The following FRMD1 variants were observed in gnomAD, a reference collection of about 807,000 sequenced individuals.
The protein encoded by FRMD1 is FERM domain containing 1.
Under a neutral mutation model 54.9 loss-of-function variants are expected in FRMD1, and 51 were observed. The observed-to-expected ratio is 0.93, with a 90% CI of 0.74 to 1.17. FRMD1 has a LOEUF of 1.17. FRMD1 is among the 50% of genes most tolerant of loss of function. The pLI is 0.00. For synonymous variants in FRMD1, 324 were observed against 306.4 expected, an observed-to-expected ratio of 1.06 and a Z score of -0.60; for missense variants, 729 against 743.0, an observed-to-expected ratio of 0.98 and a Z score of 0.22.
chr6:168,092,036 C>T (rs1449275610), intron 1 of FRMD1, among the ~76,000 whole-genome samples: 1 of 152,252 alleles, frequency 6.6e-6, no homozygotes, highest in Non-Finnish European at 1.5e-5. Context: ...CACAGCGCTG[C>T]ACTTCCTGGC....
At position 168,075,486 on chromosome 6, in the gene FRMD1, A is replaced by G. The variant is rs1173395758; in HGVS notation, c.214-151T>C. On this transcript the variant is annotated intron_variant, in intron 1 of 10. Coordinates refer to ENST00000283309, the MANE Select transcript of FRMD1 (RefSeq NM_024919.6). ...AGGTCTGGGTCTCTCACTCTCTCCCAAAGCTAAACACCGCTGCATGCCCAT... is the reference window on the plus strand; with the variant it reads ...AGGTCTGGGTCTCTCACTCTCTCCCGAAGCTAAACACCGCTGCATGCCCAT... 3 of 700,528 alleles carry G rather than the reference A, an allele frequency of 4.3e-6. No homozygotes were observed. The African/African-American group carries it at 5.3e-5, about 12-fold the overall frequency. 43.4% of individuals were successfully genotyped at this position (700,528 alleles called of 1,614,324 possible).
chr6:168,085,205 C>A (rs1192592253), upstream of FRMD1, among the ~76,000 whole-genome samples: 4 of 152,352 alleles, frequency 2.6e-5, no homozygotes, highest in East Asian at 7.7e-4. Flanking sequence ...TCCTAGAGAA[C>A]TAGAAAGGCC....
Position 168,065,018 on chromosome 6 carries a change from C to T in FRMD1, c.501G>A (p.Lys167=). ...CGCACTGTGACCTCAGCACGCGCTC[C>T]TTCAAGTGGCAGTAGTACAGGTGCC... ...RARHLYYCHL[K]ERVLRSQCAH... The change falls in exon 5 of 11, where the codon AAG becomes AAA. Residue 167 remains lysine, a synonymous_variant. Coordinates refer to ENST00000283309, the MANE Select transcript of FRMD1 (RefSeq NM_024919.6). 1.2e-6 allele frequency: 2 copies of T among 1,611,184 alleles called. No homozygotes were observed. Among genetic ancestry groups the T allele is most frequent in the Non-Finnish European group, 1.7e-6 (2 of 1,179,316 alleles).
Position 168,079,183 on chromosome 6 carries a change from C to T in FRMD1, c.-89G>A, listed in dbSNP as rs962782623. ...ACAGCTGTGCTTTCCGGGACCCGCC[C>T]TTGCCGAGCTTCTCACTGGGAAGGG... is the stretch of plus-strand genomic sequence containing the variant. On this transcript the variant is annotated 5_prime_UTR_variant, in exon 1 of 11. Transcript: ENST00000283309. 2.1e-6 allele frequency: 3 copies of T among 1,430,264 alleles called. No homozygotes were observed. The African/African-American group carries it at 4.3e-5, about 21-fold the overall frequency. 88.6% of individuals were successfully genotyped at this position (1,430,264 alleles called of 1,614,324 possible).
intron 8 of FRMD1, 61 bp from the exon 9 acceptor site, chr6:168,061,118 G>A: frequency 6.6e-7 from 1 of 1,518,526 alleles, no homozygotes; most frequent in Non-Finnish European, 8.9e-7. Flanking sequence ...TGCTGATGCA[G>A]GAGGAAGAGC....
chr6:168,057,226 G>A lies in FRMD1; in HGVS notation c.1521C>T (p.Phe507=), dbSNP rs1372635703. The A allele has an allele frequency of 6.2e-7, 1 of 1,609,982 alleles. No individual in the cohort carries two copies. Among genetic ancestry groups the A allele is most frequent in the East Asian group, 2.2e-5 (1 of 44,752 alleles). Residue 507 remains phenylalanine, a synonymous_variant, in exon 11 of 11, where the codon TTC becomes TTT. Coordinates refer to ENST00000283309, the MANE Select transcript of FRMD1 (RefSeq NM_024919.6). ...CCAGCCTGCAGTCCAGGGCGCGGTG[G>A]AAGGTATGGCTGAGTGAGGTGGGCG... is the stretch of plus-strand genomic sequence containing the variant. ...HPAPTSLSHT[F]HRALDCRLAG... is the part of the protein sequence containing the mutation.
At chr6:168,076,719 T>C (rs1208168350) in intron 1 of FRMD1, among the ~76,000 whole-genome samples, 2 of 152,218 alleles carry the variant, frequency 1.3e-5, no homozygotes, top group South Asian at 2.1e-4. Flanking sequence ...ATTAGCAGCG[T>C]GAGAACAGAC....
In FRMD1 at chr6:168,057,273, G is replaced by A. The variant is rs1251071908; in HGVS notation, c.1474C>T (p.His492Tyr). Residue 492 changes from histidine to tyrosine, a missense_variant, in exon 11 of 11, where the codon CAC (histidine) becomes TAC (tyrosine). His to Tyr is a moderately conservative substitution (Grantham distance 83, BLOSUM62 2). Coordinates refer to ENST00000283309, the MANE Select transcript of FRMD1 (RefSeq NM_024919.6). The part of the protein sequence containing the change: ...HSHGLDDMQL[H>Y]QLALHPAPTS... ...GGCGCTGGGTGCAGGGCCAGCTGGTGCAGCTGCATGTCGTCCAGGCCATGG... is the reference window on the plus strand; with the variant it reads ...GGCGCTGGGTGCAGGGCCAGCTGGTACAGCTGCATGTCGTCCAGGCCATGG... 2 of 1,612,104 alleles carry A rather than the reference G, an allele frequency of 1.2e-6. No individual in the cohort carries two copies. Among genetic ancestry groups the A allele is most frequent in the Non-Finnish European group, 1.7e-6 (2 of 1,179,552 alleles).
rs368358928 is a variant in FRMD1 at position 168,071,807 on chromosome 6, T to C, written c.304+3438A>G. ...TTGTGTGCACCTGCCTGGCCGCCAG[T>C]GGGAGCTGTTCCAGGCCACCCTCCC... On this transcript the variant is annotated intron_variant, in intron 2 of 10. Transcript: ENST00000283309. Among the ~76,000 whole-genome samples the C allele has an allele frequency of 3.2e-3, 485 of 152,314 alleles. 1 individual carries two copies. Among genetic ancestry groups the C allele is most frequent in the African/African-American group, 0.011 (462 of 41,564 alleles).
chr6:168,075,520 C>T (rs1336757127), intron 1 of FRMD1, among the ~76,000 whole-genome samples, 185 bp from the exon 2 acceptor site: 4 of 152,180 alleles, frequency 2.6e-5, no homozygotes, highest in African/African-American at 9.6e-5. Context: ...ATCAGAGCAC[C>T]TGTGAGTGCC....
chr6:168,079,098 G>T lies in FRMD1; in HGVS notation c.-4C>A, dbSNP rs1800752129. The T allele has an allele frequency of 1.9e-6, 3 of 1,594,216 alleles. No homozygotes were observed. In the East Asian group the frequency reaches 6.7e-5, roughly 36 times the overall value. ...TCCCTCTCGGGGGCACCGCCATGCT[G>T]TCGTTACTCGGCCCTCCCCCGCCAT... On this transcript the variant is annotated 5_prime_UTR_variant, in exon 1 of 11. Transcript: ENST00000283309.
At chr6:168,075,135 G>A in intron 2 of FRMD1, 110 bp downstream of exon 2, 1 of 846,730 alleles carries the variant, frequency 1.2e-6, no homozygotes, top group South Asian at 1.4e-5. Context: ...ACATATGAGA[G>A]TGGTGTATAA....
Position 168,055,473 on chromosome 6 carries a change from AC to A in FRMD1, c.*1623del, listed in dbSNP as rs1799366934. 6.6e-6 allele frequency: 1 copy of A among 152,182 alleles called. No individual in the cohort carries two copies. Among genetic ancestry groups the A allele is most frequent in the Non-Finnish European group, 1.5e-5 (1 of 68,048 alleles). 9.4% of individuals were successfully genotyped at this position (152,182 alleles called of 1,614,324 possible). ...ACACCACCTGCTGTGTCTCCCCAAC[AC>A]TGGTGTGTACCTTCCCTCATGGTCC... On this transcript the variant is annotated 3_prime_UTR_variant, in exon 11 of 11. Transcript: ENST00000283309.
intron 1 of FRMD1, among the ~76,000 whole-genome samples, chr6:168,089,940 C>G (rs1405154012): frequency 1.3e-5 from 2 of 152,192 alleles, no homozygotes; most frequent in Non-Finnish European, 2.9e-5. Flanking sequence ...GTGCTGCCCT[C>G]CTCGCCGGCA....
rs764808688 is a variant in FRMD1 at position 168,064,909 on chromosome 6, C to T, written c.610G>A (p.Gly204Arg). 1.6e-5 allele frequency: 25 copies of T among 1,596,036 alleles called. No homozygotes were observed. Among genetic ancestry groups the T allele is most frequent in the Admixed American group, 7.0e-5 (4 of 57,418 alleles). ...TAGGAGTGTGGCTCGAAGTACCTCCCGGCATGGGCCGACTCCCGGTGCTCG... is the reference window on the plus strand; with the variant it reads ...TAGGAGTGTGGCTCGAAGTACCTCCTGGCATGGGCCGACTCCCGGTGCTCG... ...LGEHRESAHAGRYFEPHSYFP... is the reference protein window; with the variant it reads ...LGEHRESAHARRYFEPHSYFP... The change falls in exon 5 of 11, where the codon GGG becomes AGG. Residue 204 changes from glycine to arginine, a missense_variant. Physicochemically the swap from Gly to Arg is moderately radical, Grantham distance 125. Coordinates refer to ENST00000283309, the MANE Select transcript of FRMD1 (RefSeq NM_024919.6).
chr6:168,062,691 C>G, intron 7 of FRMD1: 1 of 1,550,916 alleles, frequency 6.4e-7, no homozygotes, highest in Non-Finnish European at 8.7e-7. Context: ...AGCTTCCCAA[C>G]GTGGGGCCAG....
In FRMD1 at chr6:168,059,110, G is replaced by C. The variant is rs1465182; in HGVS notation, c.1407+14C>G. 49 of 1,555,872 alleles carry C rather than the reference G, an allele frequency of 3.1e-5. No homozygotes were observed. The highest frequency in any genetic ancestry group is 2.8e-4 in the African/African-American group (21 of 74,156). ...AGCAGGGCCAGGGCTTCTGGCCCGT[G>C]GGGGGGACTCTACCTGGTGCACGGC... On this transcript the variant is annotated intron_variant, in intron 10 of 10. Coordinates refer to ENST00000283309, the MANE Select transcript of FRMD1 (RefSeq NM_024919.6). The surrounding 1 kb of genome is among the most constrained non-coding windows in gnomAD (Gnocchi z 4.4).
chr6:168,070,539 G>A (rs930344161), intron 2 of FRMD1, among the ~76,000 whole-genome samples: 3 of 152,130 alleles, frequency 2.0e-5, no homozygotes, highest in African/African-American at 4.8e-5. Flanking sequence ...TCTCCCGATG[G>A]CCCTCGGACC....
chr6:168,078,998 C>G lies in FRMD1; in HGVS notation c.97G>C (p.Glu33Gln), dbSNP rs1241837386. ...SGARCMEPSPERPACSQQEPT... is the reference protein window; with the variant it reads ...SGARCMEPSPQRPACSQQEPT... ...TCCTGCTGACTGCATGCAGGCCTCT[C>G]AGGACTGGGTTCCATACATCGCGCC... Residue 33 changes from glutamate (E) to glutamine (Q), a missense_variant, in exon 1 of 11, where the codon GAG becomes CAG. Glu to Gln is a conservative substitution (Grantham distance 29). Coordinates refer to ENST00000283309, the MANE Select transcript of FRMD1 (RefSeq NM_024919.6). The G allele has an allele frequency of 1.2e-6, 2 of 1,612,494 alleles. No homozygotes were observed. Among genetic ancestry groups the G allele is most frequent in the Non-Finnish European group, 8.5e-7 (1 of 1,179,952 alleles).
Sources: gnomAD v4.1 joint callset for allele counts (sites outside exome capture counted in the v4.1 genomes callset) on GRCh38, gnomAD v4.1.1 for gene constraint, Gnocchi (gnomAD v3.1) non-coding constraint, MANE v1.5 for transcripts, NCBI Gene and HGNC (gene_info 2026-07-23, HGNC 2026-07-21) for gene names.